The following PCDH11X variants were observed in gnomAD, a reference collection of about 807,000 sequenced individuals.
The protein encoded by PCDH11X is protocadherin 11 X-linked, also known as protocadherin-11 X-linked.
Under a neutral mutation model 53.3 loss-of-function variants are expected in PCDH11X, and 18 were observed. The ratio of observed to expected loss-of-function variants is 0.34; its 90% CI spans 0.23 to 0.50. The LOEUF (loss-of-function observed/expected upper bound fraction) is 0.50, where lower values mean the gene tolerates loss of function less well. Ranked by LOEUF, PCDH11X falls within the 20% of genes least tolerant of loss-of-function variation. PCDH11X has a pLI of 0.98. For synonymous variants in PCDH11X, 279 were observed against 393.3 expected (o/e 0.71, Z 3.44); for missense variants, 570 against 1,032.4 (o/e 0.55, Z 6.14).
intron 10 of PCDH11X, among the ~76,000 whole-genome samples, chrX:92,542,233 G>A (rs762196243): frequency 1.8e-5 from 2 of 111,150 alleles, no homozygotes; most frequent in Non-Finnish European, 3.8e-5. Context: ...GAGTATTTTG[G>A]CATTGCAGAG....
intron 1 of PCDH11X, among the ~76,000 whole-genome samples, chrX:91,781,953 G>T (rs1935160610): frequency 8.9e-6 from 1 of 112,010 alleles, no homozygotes; most frequent in African/African-American, 3.2e-5. Context: ...AAGCGGCGAG[G>T]GAGCGCCTTT....
intron 6 of PCDH11X, among the ~76,000 whole-genome samples, chrX:92,121,871 G>A (rs35507270): frequency 2.0e-4 from 22 of 108,966 alleles, no homozygotes; most frequent in African/African-American, 4.7e-4. Context: ...GACTATAGGC[G>A]TGCACCACCA....
At chrX:92,271,517 C>A (rs772675751) in intron 8 of PCDH11X, among the ~76,000 whole-genome samples, 3 of 111,737 alleles carry the variant, frequency 2.7e-5, no homozygotes, top group Non-Finnish European at 5.6e-5. Flanking sequence ...GTTTAAGTAC[C>A]CCCAAGAGAA....
chrX:92,599,190 A>G (rs1240017254), intron 10 of PCDH11X, among the ~76,000 whole-genome samples: 1 of 111,806 alleles, frequency 8.9e-6, no homozygotes, highest in Non-Finnish European at 1.9e-5. Context: ...AACTAAAAGA[A>G]TATAATTAGA....
intron 10 of PCDH11X, among the ~76,000 whole-genome samples, chrX:92,481,300 CCCACACACACACA>C (rs1481963219): frequency 6.6e-4 from 43 of 65,470 alleles, no homozygotes; most frequent in Non-Finnish European, 1.5e-3. Context: ...ACACACACAC[CCCACACACACACA>C]CCCCACACAC....
intron 10 of PCDH11X, among the ~76,000 whole-genome samples, chrX:92,585,591 C>G (rs1185618929): frequency 1.8e-5 from 2 of 108,777 alleles, no homozygotes; most frequent in African/African-American, 6.7e-5. Context: ...AGGATGGTCT[C>G]GATCTCCTGA....
chrX:91,883,103 T>C (rs1939993169), intron 6 of PCDH11X: 1 of 1,012,833 alleles, frequency 9.9e-7, no homozygotes, highest in African/African-American at 2.1e-5. Context: ...TAGTGAACCT[T>C]GTGCTTTCTT....
intron 8 of PCDH11X, among the ~76,000 whole-genome samples, chrX:92,283,075 CA>C (rs927446428): frequency 9.1e-6 from 1 of 109,794 alleles, no homozygotes. Flanking sequence ...ATCTCCTAAG[CA>C]AAAAAAATTA....
At chrX:92,558,973 A>C (rs961169890) in intron 10 of PCDH11X, among the ~76,000 whole-genome samples, 16 of 110,219 alleles carry the variant, frequency 1.5e-4, no homozygotes, top group Non-Finnish European at 2.5e-4. Flanking sequence ...TTTTGTTTAA[A>C]ATTTAAGCTA....
chrX:91,990,402 G>A (rs2062303057), intron 6 of PCDH11X, among the ~76,000 whole-genome samples: 1 of 102,436 alleles, frequency 9.8e-6, no homozygotes, highest in Non-Finnish European at 2.0e-5. Context: ...AGATTTTTAT[G>A]ATGGCTGTTT....
intron 6 of PCDH11X, among the ~76,000 whole-genome samples, chrX:92,008,533 A>G (rs190832621): frequency 0.015 from 1,608 of 110,319 alleles, 37 homozygotes; most frequent in African/African-American, 0.051. Context: ...AGCATCGGTA[A>G]TTCTACAGGG....
chrX:92,246,029 C>A (rs2067343687), intron 7 of PCDH11X, among the ~76,000 whole-genome samples: 1 of 111,142 alleles, frequency 9.0e-6, no homozygotes, highest in African/African-American at 3.3e-5. Context: ...ACTTAGAGAA[C>A]TTCATGAGGT....
At chrX:92,163,589 C>T (rs958910839) in intron 6 of PCDH11X, among the ~76,000 whole-genome samples, 3 of 111,173 alleles carry the variant, frequency 2.7e-5, no homozygotes, top group African/African-American at 6.5e-5. Flanking sequence ...ATGCCTCTCC[C>T]GTGATTTAGA....
intron 7 of PCDH11X, among the ~76,000 whole-genome samples, chrX:92,237,864 C>T (rs2067199071): frequency 9.0e-6 from 1 of 111,722 alleles, no homozygotes; most frequent in Admixed American, 9.6e-5. Flanking sequence ...AGCAACTTGT[C>T]AGGGCAGAAT....
chrX:92,045,373 G>A lies in PCDH11X; in HGVS notation c.3034-156002G>A, dbSNP rs773265897. Among the ~76,000 whole-genome samples the A allele has an allele frequency of 4.1e-5, 4 of 98,698 alleles. 1 individual carries two copies. The highest frequency in any genetic ancestry group is 1.1e-4 in the African/African-American group (3 of 26,665). 85.7% of individuals were successfully genotyped at this position (98,698 alleles called of 115,157 possible). Reference sequence around the variant, plus strand: ...TCTATTTAGACAGAAGGATTACAGTGCAGGTGGTTCTTAAGCAGGTTGTTG... The same window carrying A: ...TCTATTTAGACAGAAGGATTACAGTACAGGTGGTTCTTAAGCAGGTTGTTG... On this transcript the variant is annotated intron_variant, in intron 6 of 10. Transcript: ENST00000682573.
At chrX:92,119,882 C>A (rs189257277) in intron 6 of PCDH11X, among the ~76,000 whole-genome samples, 2,972 of 110,034 alleles carry the variant, frequency 0.027, 83 homozygotes, top group African/African-American at 0.081. Flanking sequence ...AAACAAGAGG[C>A]TTTTACCCAA....
At chrX:92,284,192 A>C (rs993488954) in intron 8 of PCDH11X, among the ~76,000 whole-genome samples, 2 of 110,661 alleles carry the variant, frequency 1.8e-5, no homozygotes, top group African/African-American at 6.6e-5. Context: ...GACCAATATA[A>C]AATAGTCTCA....
intron 4 of PCDH11X, among the ~76,000 whole-genome samples, chrX:91,822,964 T>A (rs1936751884): frequency 9.1e-6 from 1 of 110,486 alleles, no homozygotes; most frequent in Non-Finnish European, 1.9e-5. Context: ...GTTGTTCAGT[T>A]TCCATGTAGT....
Position 92,252,374 on chromosome X carries a change from T to TACACACAC in PCDH11X, c.3115-10723_3115-10716dup, listed in dbSNP as rs757873528. Among the ~76,000 whole-genome samples, 740 of 104,592 alleles carry TACACACAC rather than the reference T, an allele frequency of 7.1e-3. 9 individuals are homozygous for TACACACAC. The highest frequency in any genetic ancestry group is 0.025 in the African/African-American group (695 of 28,293). 90.8% of individuals were successfully genotyped at this position (104,592 alleles called of 115,157 possible). On this transcript the variant is annotated intron_variant, in intron 7 of 10. Transcript: ENST00000682573. ...TTCACAAGCTTCTAGTTTGTCATGT[T>TACACACAC]ACACACACACACACACACACACACG...
Sources: gnomAD v4.1 joint callset for allele counts (sites outside exome capture counted in the v4.1 genomes callset) on GRCh38, gnomAD v4.1.1 for gene constraint, MANE v1.5 for transcripts, NCBI Gene and HGNC (gene_info 2026-07-23, HGNC 2026-07-21) for gene names.